CFDP1: variants seen among roughly 807,000 people sequenced by gnomAD.
The protein encoded by CFDP1 is chromatin remodeling protein CFDP1.
CFDP1 carries 31 observed loss-of-function variants against 40.1 expected under a neutral mutation model. The ratio of observed to expected loss-of-function variants is 0.77; its 90% CI spans 0.58 to 1.04. The LOEUF (loss-of-function observed/expected upper bound fraction) is 1.04. Among genes scored for constraint, CFDP1 ranks in the 50% least tolerant of loss-of-function variants. The pLI, the probability that CFDP1 is intolerant of heterozygous loss-of-function variation, is 0.00. For synonymous variants in CFDP1, 167 were observed against 120.0 expected (o/e 1.39, Z -2.56); for missense variants, 423 against 343.4 (o/e 1.23, Z -1.83).
chr16:75,372,383 T>C (rs904993650), intron 5 of CFDP1: 2 of 152,192 alleles, frequency 1.3e-5, no homozygotes, highest in Non-Finnish European at 2.9e-5. Flanking sequence ...TTCAAGACTC[T>C]GGCCAGGAGT....
At chr16:75,362,759 T>C (rs1481015840) in intron 5 of CFDP1, 1 of 152,192 alleles carries the variant, frequency 6.6e-6, no homozygotes, top group Non-Finnish European at 1.5e-5. Flanking sequence ...CTCTTACTAA[T>C]GACTGCAAAG....
At chr16:75,433,231 C>T (rs2079447174) in intron 1 of CFDP1, 58 bp downstream of exon 1, 1 of 1,509,264 alleles carries the variant, frequency 6.6e-7, no homozygotes, top group Non-Finnish European at 9.0e-7. Flanking sequence ...GCAGAGCGCG[C>T]CTCACGTGAG....
In CFDP1 at chr16:75,412,646, T is replaced by C; in HGVS notation, c.291A>G (p.Glu97=). 6.2e-7 allele frequency: 1 copy of C among 1,614,180 alleles called. No homozygotes were observed. The highest frequency in any genetic ancestry group is 8.5e-7 in the Non-Finnish European group (1 of 1,180,034). The part of the protein sequence containing the change: ...SEEEDDAAEQ[E]KGIGSEDARK... ...TGGCATCCTCTGATCCAATGCCTTTTTCCTGCTCTGCAGCGTCATCTTCCT... is the reference window on the plus strand; with the variant it reads ...TGGCATCCTCTGATCCAATGCCTTTCTCCTGCTCTGCAGCGTCATCTTCCT... The change falls in exon 3 of 7, where the codon GAA becomes GAG. Residue 97 remains glutamate, a synonymous_variant. Transcript: ENST00000283882.
rs745636190 is a variant in CFDP1, at chr16:75,411,857, G to C, written c.498C>G (p.Thr166=). The change falls in exon 4 of 7, where the codon ACC becomes ACG. Residue 166 remains threonine, a synonymous_variant. Transcript: ENST00000283882. ...KPKETEKVKI[T]KVFDFAGEEV... is the part of the protein sequence containing the mutation. The stretch of plus-strand genomic sequence containing the variant: ...CTTCACCAGCAAAATCAAACACCTT[G>C]GTGATTTTAACTTTTTCTGTTTCTT... 6.2e-7 allele frequency: 1 copy of C among 1,610,654 alleles called. No homozygotes were observed.
At chr16:75,343,718 G>C (rs1374602234) in intron 5 of CFDP1, among the ~76,000 whole-genome samples, 1 of 152,192 alleles carries the variant, frequency 6.6e-6, no homozygotes, top group Non-Finnish European at 1.5e-5. Context: ...AACTAAAAAT[G>C]GTCAATATCC....
intron 4 of CFDP1, among the ~76,000 whole-genome samples, chr16:75,403,085 C>G (rs966023721): frequency 6.6e-6 from 1 of 152,144 alleles, no homozygotes; most frequent in Non-Finnish European, 1.5e-5. Flanking sequence ...ATTGAGAAAA[C>G]AGCAGACGCC....
At chr16:75,417,077 G>A (rs574999816) in intron 1 of CFDP1, among the ~76,000 whole-genome samples, 3 of 152,020 alleles carry the variant, frequency 2.0e-5, no homozygotes, top group South Asian at 4.2e-4. Flanking sequence ...GGAGGCTAAG[G>A]GGAGGATCAC....
chr16:75,295,299 G>C (rs1303000634), intron 6 of CFDP1, among the ~76,000 whole-genome samples: 1 of 152,194 alleles, frequency 6.6e-6, no homozygotes, highest in African/African-American at 2.4e-5. Context: ...TACAGGCTCT[G>C]AGGCCAGAGG....
At chr16:75,340,425 T>C (rs2078518996) in intron 5 of CFDP1, among the ~76,000 whole-genome samples, 1 of 152,250 alleles carries the variant, frequency 6.6e-6, no homozygotes, top group East Asian at 1.9e-4. Flanking sequence ...TAATAACATT[T>C]ATTTACAGAG....
At chr16:75,355,248 T>C (rs1374674023) in intron 5 of CFDP1, among the ~76,000 whole-genome samples, 1 of 152,192 alleles carries the variant, frequency 6.6e-6, no homozygotes, top group Non-Finnish European at 1.5e-5. Flanking sequence ...TGGCAATTTC[T>C]TAAAATAAAA....
intron 5 of CFDP1, among the ~76,000 whole-genome samples, chr16:75,373,241 A>C (rs984378830): frequency 6.6e-6 from 1 of 152,234 alleles, no homozygotes; most frequent in South Asian, 2.1e-4. Flanking sequence ...ACCCATTTCA[A>C]CACTTACACA....
intron 5 of CFDP1, among the ~76,000 whole-genome samples, chr16:75,388,567 G>A (rs1229939282): frequency 6.6e-6 from 1 of 152,234 alleles, no homozygotes; most frequent in South Asian, 2.1e-4. Context: ...CATAGATGAA[G>A]AGGGAAGGTA....
intron 5 of CFDP1, among the ~76,000 whole-genome samples, chr16:75,349,666 A>ATAT (rs1567653444): frequency 0.031 from 416 of 13,638 alleles, 14 homozygotes; most frequent in Non-Finnish European, 0.044. Flanking sequence ...AAAAAAAAAA[A>ATAT]AAAAAAAAAA....
intron 5 of CFDP1, among the ~76,000 whole-genome samples, chr16:75,351,561 G>T (rs908785105): frequency 6.6e-6 from 1 of 152,076 alleles, no homozygotes; most frequent in African/African-American, 2.4e-5. Context: ...TGACTGCAAT[G>T]GACTGAAACA....
intron 5 of CFDP1, among the ~76,000 whole-genome samples, chr16:75,377,231 TAA>T (rs1212743681): frequency 2.0e-5 from 3 of 152,204 alleles, no homozygotes; most frequent in East Asian, 3.9e-4. Flanking sequence ...CCTCCTGCCA[TAA>T]AAGTCAAATG....
chr16:75,311,481 G>A (rs1174868042), intron 5 of CFDP1, among the ~76,000 whole-genome samples: 1 of 152,032 alleles, frequency 6.6e-6, no homozygotes, highest in Non-Finnish European at 1.5e-5. Flanking sequence ...TTTGACAATG[G>A]ACTTACCCAA....
In CFDP1 at chr16:75,397,205, C is replaced by T. The variant is rs150491978; in HGVS notation, c.531-1996G>A. Among the ~76,000 whole-genome samples the T allele has an allele frequency of 7.4e-3, 1,115 of 151,414 alleles. 17 individuals carry two copies. The highest frequency in any genetic ancestry group is 0.026 in the African/African-American group (1,056 of 41,388). On this transcript the variant is annotated intron_variant, in intron 4 of 6. Transcript: ENST00000283882. ...CTGGGATTACAGGCGTGAGCCACTG[C>T]GCCCAGCGTTTTTTTGTTTTAAAAC...
chr16:75,394,977 A>T, intron 5 of CFDP1, 113 bp downstream of exon 5: 1 of 1,294,106 alleles, frequency 7.7e-7, no homozygotes, highest in Non-Finnish European at 1.1e-6. Flanking sequence ...GCAAAGCAGC[A>T]TCATAATTCT....
chr16:75,349,199 C>G (rs1296255007), intron 5 of CFDP1, among the ~76,000 whole-genome samples: 1 of 151,962 alleles, frequency 6.6e-6, no homozygotes, highest in Non-Finnish European at 1.5e-5. Flanking sequence ...TTGGATGGTT[C>G]ACTGCTAGTT....
Sources: gnomAD v4.1 joint callset for allele counts (sites outside exome capture counted in the v4.1 genomes callset) on GRCh38, gnomAD v4.1.1 for gene constraint, MANE v1.5 for transcripts, NCBI Gene and HGNC (gene_info 2026-07-23, HGNC 2026-07-21) for gene names.